FAM13C: variants seen among roughly 807,000 people sequenced by gnomAD.
FAM13C encodes the protein family with sequence similarity 13 member C, also known as protein FAM13C.
In FAM13C, 37 loss-of-function variants were observed where a neutral mutation model predicts 73.2. The observed-to-expected ratio is 0.51, with a 90% CI of 0.39 to 0.67. The LOEUF (loss-of-function observed/expected upper bound fraction) is 0.67, where lower values mean the gene tolerates loss of function less well. Among genes scored for constraint, FAM13C ranks in the 30% least tolerant of loss-of-function variants. FAM13C has a pLI of 0.00. For synonymous variants in FAM13C, 246 were observed against 260.9 expected (o/e 0.94, Z 0.55); for missense variants, 589 against 715.6 (o/e 0.82, Z 2.02).
At chr10:59,326,110 G>A (rs1851089160) in intron 3 of FAM13C, among the ~76,000 whole-genome samples, 1 of 152,014 alleles carries the variant, frequency 6.6e-6, no homozygotes, top group Non-Finnish European at 1.5e-5. Context: ...GGTTAGAGAG[G>A]CCAAACACTG....
In FAM13C at chr10:59,352,231, AC is replaced by A. The variant is rs1216061123; in HGVS notation, c.324+38del. On this transcript the variant is annotated intron_variant, in intron 3 of 13. Coordinates refer to ENST00000618804, the MANE Select transcript of FAM13C (RefSeq NM_198215.4). ...AACCGTGTGGCCTAGCCTAAGAATC[AC>A]CCGTCTTGGCAAAAGCCTGAGAAGA... 4 of 1,608,496 alleles carry A rather than the reference AC, an allele frequency of 2.5e-6. No individual in the cohort carries two copies. The African/African-American group carries it at 4.0e-5, about 16-fold the overall frequency.
intron 4 of FAM13C, among the ~76,000 whole-genome samples, chr10:59,313,590 C>T (rs1849189803): frequency 6.6e-6 from 1 of 152,160 alleles, no homozygotes; most frequent in African/African-American, 2.4e-5. Context: ...TCACTGGAAT[C>T]TCAACTGGCA....
chr10:59,303,443 C>T (rs1488748095), intron 4 of FAM13C, among the ~76,000 whole-genome samples: 3 of 152,214 alleles, frequency 2.0e-5, no homozygotes, highest in Non-Finnish European at 2.9e-5. Flanking sequence ...ACTGCTAAAA[C>T]CTCACCTATT....
At chr10:59,280,341 A>G (rs1395729405) in intron 6 of FAM13C, among the ~76,000 whole-genome samples, 1 of 152,084 alleles carries the variant, frequency 6.6e-6, no homozygotes, top group Admixed American at 6.5e-5. Context: ...CTATTCCTCA[A>G]ATCTGCCTAT....
chr10:59,332,636 A>G (rs375802183), intron 3 of FAM13C, among the ~76,000 whole-genome samples: 4 of 152,384 alleles, frequency 2.6e-5, no homozygotes, highest in African/African-American at 9.6e-5. Context: ...GTTCTTTAAA[A>G]TAGGTGCCTC....
intron 6 of FAM13C, 128 bp downstream of exon 6, chr10:59,283,235 C>A: frequency 1.1e-5 from 10 of 940,094 alleles, no homozygotes; most frequent in Non-Finnish European, 1.7e-5. Context: ...AACTCAGAAG[C>A]ACCTCTTGGG....
intron 10 of FAM13C, among the ~76,000 whole-genome samples, chr10:59,260,458 C>A (rs1201714067): frequency 1.3e-5 from 2 of 152,156 alleles, no homozygotes; most frequent in Non-Finnish European, 2.9e-5. Context: ...TTCATCACGG[C>A]CTTCATACCT....
chr10:59,313,394 T>G (rs1417682697), intron 4 of FAM13C, among the ~76,000 whole-genome samples: 4 of 152,206 alleles, frequency 2.6e-5, no homozygotes, highest in Non-Finnish European at 5.9e-5. Flanking sequence ...TCTCCTTTGT[T>G]GCACACGAGC....
intron 4 of FAM13C, among the ~76,000 whole-genome samples, chr10:59,316,634 A>T (rs1170528922): frequency 6.6e-6 from 1 of 152,098 alleles, no homozygotes; most frequent in East Asian, 1.9e-4. Flanking sequence ...TAGGCTGCAA[A>T]CCTCTACAGC....
Position 59,352,394 on chromosome 10 carries a change from T to C in FAM13C, c.200A>G (p.Gln67Arg), listed in dbSNP as rs766844218. Residue 67 changes from glutamine (Q) to arginine (R), a missense_variant, in exon 3 of 14, where the codon CAG (glutamine) becomes CGG (arginine). By Grantham distance (43) the Gln-to-Arg change is conservative (BLOSUM62 1). Coordinates refer to ENST00000618804, the MANE Select transcript of FAM13C (RefSeq NM_198215.4). Reference protein sequence around the residue: ...EHAPPSWEPQQQNVEATVLVD... With the variant: ...EHAPPSWEPQRQNVEATVLVD... Reference sequence around the variant, plus strand: ...CAGCACGGTCGCCTCTACATTCTGCTGCTGCGGCTCCCAAGAGGGCGGCGC... The same window carrying C: ...CAGCACGGTCGCCTCTACATTCTGCCGCTGCGGCTCCCAAGAGGGCGGCGC... 1.4e-5 allele frequency: 22 copies of C among 1,614,020 alleles called. No individual in the cohort carries two copies. The highest frequency in any genetic ancestry group is 1.9e-5 in the Non-Finnish European group (22 of 1,180,024).
intron 6 of FAM13C, among the ~76,000 whole-genome samples, chr10:59,279,484 A>G (rs1844691605): frequency 1.3e-5 from 2 of 152,244 alleles, no homozygotes; most frequent in African/African-American, 4.8e-5. Flanking sequence ...AATATAATAA[A>G]GTACTGCTAT....
In FAM13C at chr10:59,356,263, C is replaced by G. The variant is rs142552977; in HGVS notation, c.63-320G>C. ...GACACCAATACTGGTATCCTCAAGACCAATACTGGTTGGCTCAAAAGAGAT... is the reference window on the plus strand; with the variant it reads ...GACACCAATACTGGTATCCTCAAGAGCAATACTGGTTGGCTCAAAAGAGAT... On this transcript the variant is annotated intron_variant, in intron 1 of 13. Transcript: ENST00000618804. Among the ~76,000 whole-genome samples, 52 of 152,274 alleles carry G rather than the reference C, an allele frequency of 3.4e-4. 1 individual carries two copies. The highest frequency in any genetic ancestry group is 1.2e-3 in the African/African-American group (51 of 41,562).
chr10:59,313,872 C>G (rs1042149062), intron 4 of FAM13C, among the ~76,000 whole-genome samples: 1 of 152,130 alleles, frequency 6.6e-6, no homozygotes, highest in East Asian at 1.9e-4. Context: ...AACCAGAATT[C>G]CATGGGATTG....
Position 59,247,688 on chromosome 10 carries a change from A to G in FAM13C, c.1684T>C (p.Tyr562His), listed in dbSNP as rs1422127384. 6.2e-7 allele frequency: 1 copy of G among 1,613,340 alleles called. No individual in the cohort carries two copies. The change falls in exon 14 of 14, where the codon TAT (tyrosine) becomes CAT (histidine). Residue 562 changes from tyrosine to histidine, a missense_variant. Coordinates refer to ENST00000618804, the MANE Select transcript of FAM13C (RefSeq NM_198215.4). ...RIPMADEYYEYKHIKAKLRLL... is the reference protein window; with the variant it reads ...RIPMADEYYEHKHIKAKLRLL... ...CTCAGTTTGGCTTTTATGTGCTTAT[A>G]TTCATAATACTCATCTGCCATTGGT...
intron 5 of FAM13C, among the ~76,000 whole-genome samples, chr10:59,287,805 T>G (rs1161055744): frequency 6.6e-6 from 1 of 152,214 alleles, no homozygotes; most frequent in Non-Finnish European, 1.5e-5. Context: ...ATTCTGTGTT[T>G]AGTATGACTA....
At chr10:59,297,040 T>A (rs2133822261) in intron 5 of FAM13C, 1 of 152,380 alleles carries the variant, frequency 6.6e-6, no homozygotes, top group African/African-American at 2.4e-5. Context: ...TATTATCCTC[T>A]CACTCTAACC....
At chr10:59,327,814 T>C (rs1241206566) in intron 3 of FAM13C, 1 of 152,174 alleles carries the variant, frequency 6.6e-6, no homozygotes, top group Non-Finnish European at 1.5e-5. Flanking sequence ...TAAGACATTC[T>C]TGCCCCCAAA....
chr10:59,314,583 G>A (rs1011665066), intron 4 of FAM13C, among the ~76,000 whole-genome samples: 3 of 152,108 alleles, frequency 2.0e-5, no homozygotes, highest in African/African-American at 7.2e-5. Context: ...GCTGGGTTTG[G>A]CCAAAACTGT....
At chr10:59,303,748 C>T (rs1034947945) in intron 4 of FAM13C, among the ~76,000 whole-genome samples, 1 of 152,136 alleles carries the variant, frequency 6.6e-6, no homozygotes, top group Non-Finnish European at 1.5e-5. Flanking sequence ...TGAGCTCTTA[C>T]TCAGAAATAA....
Sources: allele counts gnomAD v4.1 joint callset (sites outside exome capture counted in the v4.1 genomes callset), GRCh38; gene constraint gnomAD v4.1.1; transcripts MANE v1.5; gene names NCBI Gene and HGNC (gene_info 2026-07-23, HGNC 2026-07-21).